The following CPLANE1 variants were observed in gnomAD, a reference collection of about 807,000 sequenced individuals.
CPLANE1 encodes ciliogenesis and planar polarity effector complex subunit 1, also known as ciliogenesis and planar polarity effector 1.
Under a neutral mutation model 362.5 loss-of-function variants are expected in CPLANE1, and 263 were observed. The ratio of observed to expected loss-of-function variants is 0.73; its 90% CI spans 0.66 to 0.80. The LOEUF (loss-of-function observed/expected upper bound fraction) is 0.80. CPLANE1 is among the 30% of genes least tolerant of loss of function. The pLI, the probability that CPLANE1 is intolerant of heterozygous loss-of-function variation, is 0.00. For synonymous variants in CPLANE1, 1,212 were observed against 1,302.6 expected, an observed-to-expected ratio of 0.93 and a Z score of 1.50; for missense variants, 3,461 against 3,793.4, an observed-to-expected ratio of 0.91 and a Z score of 2.30.
At chr5:37,245,306 TATATATATATATA>T (rs1739224925) in intron 4 of CPLANE1, among the ~76,000 whole-genome samples, 160 bp downstream of exon 4, 1 of 10,218 alleles carries the variant, frequency 9.8e-5, no homozygotes, top group African/African-American at 8.3e-4. Context: ...ACTATATATA[TATATATATATATA>T]TATATATATA....
At chr5:37,168,283 C>G (rs1778844795) in intron 34 of CPLANE1, among the ~76,000 whole-genome samples, 1 of 152,154 alleles carries the variant, frequency 6.6e-6, no homozygotes, top group Non-Finnish European at 1.5e-5. Context: ...ACAATAATTG[C>G]TAGGAACCTC....
rs1174764669 is a variant in CPLANE1 at position 37,122,518 on chromosome 5, A to G, written c.8959-30T>C. On this transcript the variant is annotated intron_variant, in intron 47 of 52. Coordinates refer to ENST00000651892, the MANE Select transcript of CPLANE1 (RefSeq NM_001384732.1). ...ATAAAAAATACCCAGTTGGTTCATT[A>G]TTGTTCAATCCAAATAATTAAACCA... 4 of 1,545,970 alleles carry G rather than the reference A, an allele frequency of 2.6e-6. No homozygotes were observed. The East Asian group carries it at 9.0e-5, about 35-fold the overall frequency.
chr5:37,237,740 C>T (rs1223136369), intron 8 of CPLANE1, among the ~76,000 whole-genome samples: 4 of 152,140 alleles, frequency 2.6e-5, no homozygotes, highest in East Asian at 1.9e-4. Flanking sequence ...ATCCCAGCTA[C>T]GCGGGAGGCT....
chr5:37,211,280 G>A (rs1437706493), intron 16 of CPLANE1: 19 of 1,518,794 alleles, frequency 1.3e-5, no homozygotes, highest in Non-Finnish European at 1.7e-5. Context: ...AACAGCTTCA[G>A]CAAGAGGCGG....
At chr5:37,177,313 G>C (rs562834041) in intron 30 of CPLANE1, among the ~76,000 whole-genome samples, 18 of 152,270 alleles carry the variant, frequency 1.2e-4, no homozygotes, top group Non-Finnish European at 2.2e-4. Context: ...AATGGAATAA[G>C]TATGAAAAGT....
At chr5:37,131,101 T>C (rs1765645136) in intron 46 of CPLANE1, among the ~76,000 whole-genome samples, 1 of 152,240 alleles carries the variant, frequency 6.6e-6, no homozygotes, top group Admixed American at 6.5e-5. Context: ...TTGTTTTTGA[T>C]AACCTTCCTT....
chr5:37,118,063 A>G (rs142668628), intron 50 of CPLANE1, among the ~76,000 whole-genome samples: 44 of 152,298 alleles, frequency 2.9e-4, no homozygotes, highest in African/African-American at 9.9e-4. Context: ...TCAGTTTTAA[A>G]AGAGCAGTAT....
rs892170663 is a variant in CPLANE1 at position 37,173,672 on chromosome 5, A to G, written c.6171+83T>C. On this transcript the variant is annotated intron_variant, in intron 32 of 52. Coordinates refer to ENST00000651892, the MANE Select transcript of CPLANE1 (RefSeq NM_001384732.1). ...GCTTGTGATATAATTTTACCTTGTC[A>G]ATTTCTGGAAATCTATTAATATTTT... 7 of 1,153,394 alleles carry G rather than the reference A, an allele frequency of 6.1e-6. No homozygotes were observed. The African/African-American group carries it at 9.3e-5, about 15-fold the overall frequency. The allele number at this position is 1,153,394 out of a possible 1,614,324, so 71.4% of individuals were successfully genotyped here. A position where few individuals can be genotyped will look rare whatever the true frequency, so the allele number is the denominator to read the frequency against.
At chr5:37,099,570 T>C in the CPLANE1 span, among the ~76,000 whole-genome samples, 3 of 152,200 alleles carry the variant, frequency 2.0e-5, no homozygotes, top group Non-Finnish European at 4.4e-5. Context: ...TGATTCCAGT[T>C]TTTGTTATCG....
At chr5:37,130,151 A>G (rs922619064) in intron 46 of CPLANE1, among the ~76,000 whole-genome samples, 1 of 152,240 alleles carries the variant, frequency 6.6e-6, no homozygotes, top group African/African-American at 2.4e-5. Flanking sequence ...AGGAATGGAA[A>G]ACCAAACATT....
downstream of CPLANE1, among the ~76,000 whole-genome samples, chr5:37,104,781 A>G (rs1180723542): frequency 6.7e-6 from 1 of 148,458 alleles, no homozygotes; most frequent in Non-Finnish European, 1.5e-5. Context: ...AAATTAGCTG[A>G]GCATGGTGGC....
intron 46 of CPLANE1, among the ~76,000 whole-genome samples, chr5:37,134,611 T>C (rs1375027851): frequency 6.6e-6 from 1 of 152,168 alleles, no homozygotes; most frequent in Non-Finnish European, 1.5e-5. Context: ...GTTGATTCTT[T>C]GTATGGATTT....
the CPLANE1 span, among the ~76,000 whole-genome samples, chr5:37,081,654 C>T: frequency 6.6e-6 from 1 of 151,872 alleles, no homozygotes; most frequent in Non-Finnish European, 1.5e-5. Context: ...AATGGAAAGA[C>T]AATAGGGCAG....
intron 16 of CPLANE1, 136 bp from the exon 17 acceptor site, chr5:37,206,561 T>A: frequency 1.6e-6 from 1 of 625,214 alleles, no homozygotes; most frequent in Middle Eastern, 4.3e-4. Context: ...TGGGCTAAAG[T>A]AATACTCAAC....
At chr5:37,176,187 G>T in intron 30 of CPLANE1, 1 of 454,110 alleles carries the variant, frequency 2.2e-6, no homozygotes, top group Non-Finnish European at 3.9e-6. Context: ...AATATGTCTG[G>T]ATGACTTAAA....
At chr5:37,125,883 G>A (rs989696569) in intron 46 of CPLANE1, among the ~76,000 whole-genome samples, 4 of 152,104 alleles carry the variant, frequency 2.6e-5, no homozygotes, top group Non-Finnish European at 5.9e-5. Context: ...GTAAAATGGG[G>A]AGGTTTCCAC....
intron 27 of CPLANE1, 26 bp downstream of exon 27, chr5:37,180,831 A>C: frequency 6.2e-7 from 1 of 1,607,870 alleles, no homozygotes; most frequent in Non-Finnish European, 8.5e-7. Context: ...CTTATATTGA[A>C]AAGAAGAGTA....
At chr5:37,080,035 G>A in the CPLANE1 span, among the ~76,000 whole-genome samples, 36 of 152,148 alleles carry the variant, frequency 2.4e-4, no homozygotes, top group Admixed American at 2.1e-3. Context: ...GCAGATCTTC[G>A]TGTCTTGAAG....
intron 44 of CPLANE1, chr5:37,141,650 T>C: frequency 4.1e-6 from 4 of 981,864 alleles, no homozygotes; most frequent in Non-Finnish European, 4.8e-6. Flanking sequence ...AGTAAAATCA[T>C]TTTAATTGAC....
Sources: allele counts gnomAD v4.1 joint callset (sites outside exome capture counted in the v4.1 genomes callset), GRCh38; gene constraint gnomAD v4.1.1; transcripts MANE v1.5; gene names NCBI Gene and HGNC (gene_info 2026-07-23, HGNC 2026-07-21).